CYFIP1: variants seen among roughly 807,000 people sequenced by gnomAD.
The protein encoded by CYFIP1 is cytoplasmic FMR1-interacting protein 1.
In CYFIP1, 58 loss-of-function variants were observed where a neutral mutation model predicts 163.5. That is an observed-to-expected ratio of 0.35 (90% CI 0.29 to 0.44). The LOEUF (loss-of-function observed/expected upper bound fraction) is 0.44, where lower values mean the gene tolerates loss of function less well. CYFIP1 is among the 20% of genes least tolerant of loss of function. The pLI is 1.00. For synonymous variants in CYFIP1, 663 were observed against 660.7 expected (o/e 1.00, Z -0.05); for missense variants, 1,338 against 1,653.8 (o/e 0.81, Z 3.31).
Position 22,910,811 on chromosome 15 carries a change from C to A in CYFIP1, c.2085G>T (p.Val695=), listed in dbSNP as rs750846125. Residue 695 remains valine, a splice_region_variant and synonymous_variant, in exon 19 of 31, where the codon GTG becomes GTT. Transcript: ENST00000617928. ...QFLYDEIEAE[V]NLCFDQFVYK... is the part of the protein sequence containing the mutation. ...AAACAAATTGGTCAAAACATAGATT[C>A]ACCTGAAGAAAAAGAAAGCACACGT... The A allele has an allele frequency of 6.2e-7, 1 of 1,612,918 alleles. No homozygotes were observed. The highest frequency in any genetic ancestry group is 8.5e-7 in the Non-Finnish European group (1 of 1,179,066).
rs1013326290 is a variant in CYFIP1 at position 22,917,363 on chromosome 15, A to G, written c.1674+425T>C. The G allele has an allele frequency of 1.8e-5, 21 of 1,178,964 alleles. No homozygotes were observed. The highest frequency in any genetic ancestry group is 2.2e-5 in the Non-Finnish European group (20 of 923,658). 73.0% of individuals were successfully genotyped at this position (1,178,964 alleles called of 1,614,324 possible). On this transcript the variant is annotated intron_variant, in intron 15 of 30. Coordinates refer to ENST00000617928, the MANE Select transcript of CYFIP1 (RefSeq NM_014608.6). The surrounding 1 kb of genome is among the most constrained non-coding windows in gnomAD (Gnocchi z 4.2). The stretch of plus-strand genomic sequence containing the variant: ...CGGGGAGGCCTGAACACACCAGGAG[A>G]GAGGACAGTGGGCAGCTTAGGACCA...
At chr15:22,908,518 CTTTTTTTTTTT>C (rs58565266) in intron 21 of CYFIP1, among the ~76,000 whole-genome samples, 16 of 75,486 alleles carry the variant, frequency 2.1e-4, no homozygotes, top group Admixed American at 3.5e-4. Context: ...GAAGATATTT[CTTTTTTTTTTT>C]TTTTTTTTTT....
chr15:22,958,212 A>G (rs2062548625), intron 1 of CYFIP1, among the ~76,000 whole-genome samples: 1 of 151,802 alleles, frequency 6.6e-6, no homozygotes, highest in Admixed American at 6.6e-5. Context: ...CAGCCTCTCA[A>G]GTAGCTGGGA....
In CYFIP1 at chr15:22,937,103, C is replaced by T; in HGVS notation, c.900+1G>A. ...CATTGATCTAAAAACATGTAACTCACCTTGAAGTACTTGTCGATTTTGGAT... is the reference window on the plus strand; with the variant it reads ...CATTGATCTAAAAACATGTAACTCATCTTGAAGTACTTGTCGATTTTGGAT... On this transcript the variant is annotated splice_donor_variant, in intron 9 of 30. Transcript: ENST00000617928. LOFTEE classifies it high-confidence loss of function. 6.3e-7 allele frequency: 1 copy of T among 1,586,490 alleles called. No homozygotes were observed. The highest frequency in any genetic ancestry group is 8.7e-7 in the Non-Finnish European group (1 of 1,154,916).
At position 22,881,618 on chromosome 15, in the gene CYFIP1, G is replaced by A. The variant is rs558064013; in HGVS notation, c.2911+228C>T. The stretch of plus-strand genomic sequence containing the variant: ...TGGCAATTCTTTCGTAGGGGTGCCC[G>A]AGAGCGTGGTGTTCAGGGGTCTCTT... On this transcript the variant is annotated intron_variant, in intron 25 of 30. Transcript: ENST00000617928. 2.0e-5 allele frequency among the ~76,000 whole-genome samples: 3 copies of A among 152,252 alleles called. No homozygotes were observed. In the South Asian group the frequency reaches 6.2e-4, roughly 32 times the overall value.
intron 1 of CYFIP1, among the ~76,000 whole-genome samples, chr15:22,978,352 C>CAAAAAAAAAAA (rs397976366): frequency 2.7e-4 from 14 of 52,774 alleles, no homozygotes; most frequent in Middle Eastern, 0.019. Context: ...GACTCTGTCA[C>CAAAAAAAAAAA]AAAAAAAAAA....
At chr15:22,919,223 A>G (rs1363387225) in intron 13 of CYFIP1, among the ~76,000 whole-genome samples, 3 of 152,202 alleles carry the variant, frequency 2.0e-5, no homozygotes, top group Non-Finnish European at 4.4e-5. Context: ...TTGTAGTCCA[A>G]ATCCCATATT....
At chr15:22,974,633 G>A (rs1239023661) in intron 1 of CYFIP1, among the ~76,000 whole-genome samples, 2 of 152,028 alleles carry the variant, frequency 1.3e-5, no homozygotes, top group Non-Finnish European at 2.9e-5. Flanking sequence ...GGGAAGCTGA[G>A]GCATGAGAAT....
intron 1 of CYFIP1, among the ~76,000 whole-genome samples, chr15:22,979,289 G>T (rs1040846726): frequency 6.6e-6 from 1 of 152,148 alleles, no homozygotes; most frequent in African/African-American, 2.4e-5. Flanking sequence ...GCCCCCGCGG[G>T]TCCCGGCCTG....
intron 26 of CYFIP1, among the ~76,000 whole-genome samples, chr15:22,878,224 T>C (rs2059640225): frequency 6.6e-6 from 1 of 152,052 alleles, no homozygotes; most frequent in Non-Finnish European, 1.5e-5. Context: ...CAGAGAGCCC[T>C]GGGGAGGGAA....
chr15:22,899,428 C>T (rs2060329779), intron 22 of CYFIP1, among the ~76,000 whole-genome samples: 1 of 152,172 alleles, frequency 6.6e-6, no homozygotes, highest in Non-Finnish European at 1.5e-5. Context: ...ATTCCCACGT[C>T]TCATGAGTGG....
rs748454440 is a variant in CYFIP1, at chr15:22,943,646, C to T, written c.388-292G>A. Among the ~76,000 whole-genome samples, 12 of 152,194 alleles carry T rather than the reference C, an allele frequency of 7.9e-5. 1 individual carries two copies. Among genetic ancestry groups the T allele is most frequent in the African/African-American group, 1.7e-4 (7 of 41,454 alleles). On this transcript the variant is annotated intron_variant, in intron 5 of 30. Coordinates refer to ENST00000617928, the MANE Select transcript of CYFIP1 (RefSeq NM_014608.6). ...TACTGAGCAAAATGCTCCAATAAAA[C>T]GCCTGTAAAATTCAGATGTTCTAAC... is the stretch of plus-strand genomic sequence containing the variant.
At chr15:22,893,574 T>C (rs1327407796) in intron 22 of CYFIP1, among the ~76,000 whole-genome samples, 2 of 152,240 alleles carry the variant, frequency 1.3e-5, no homozygotes, top group Non-Finnish European at 2.9e-5. Flanking sequence ...GTGGATTTGC[T>C]AATTATGTAA....
intron 11 of CYFIP1, 57 bp downstream of exon 11, chr15:22,932,166 G>C: frequency 7.9e-7 from 1 of 1,270,354 alleles, no homozygotes; most frequent in Non-Finnish European, 1.1e-6. Context: ...AGATTTGGGT[G>C]CAAACACACA....
chr15:22,926,307 A>G lies in CYFIP1; in HGVS notation c.1234-200T>C, dbSNP rs534874775. ...TGGCCCTGTAACCTCTCGTTTAAAA[A>G]ATCTACCCGGCAAAATGGCCTGGAT... is the stretch of plus-strand genomic sequence containing the variant. On this transcript the variant is annotated intron_variant, in intron 12 of 30. Coordinates refer to ENST00000617928, the MANE Select transcript of CYFIP1 (RefSeq NM_014608.6). Among the ~76,000 whole-genome samples, 9 of 152,256 alleles carry G rather than the reference A, an allele frequency of 5.9e-5. No individual in the cohort carries two copies. In the South Asian group the frequency reaches 1.9e-3, roughly 32 times the overall value.
Position 22,964,407 on chromosome 15 carries a change from A to ACC in CYFIP1, c.-7+15878_-7+15879dup, listed in dbSNP as rs1171232724. Among the ~76,000 whole-genome samples, 18 of 135,668 alleles carry ACC rather than the reference A, an allele frequency of 1.3e-4. 1 individual carries two copies. Among genetic ancestry groups the ACC allele is most frequent in the South Asian group, 1.0e-3 (4 of 3,950 alleles). 89.0% of individuals were successfully genotyped at this position (135,668 alleles called of 152,430 possible). On this transcript the variant is annotated intron_variant, in intron 1 of 30. Transcript: ENST00000617928. Reference sequence around the variant, plus strand: ...CACACACACACACACACACACACACACCCGGCAGCCCTGCCAGCAGACTCC... The same window carrying ACC: ...CACACACACACACACACACACACACACCCCCGGCAGCCCTGCCAGCAGACTCC...
rs373285643 is a variant in CYFIP1, at chr15:22,910,865, A to G, written c.2083-52T>C. ...AGTTTGATTCCCTAAAGCAAGATCA[A>G]ATAACAAGGTGAAAAACAAAATGTT... On this transcript the variant is annotated intron_variant, in intron 18 of 30. Coordinates refer to ENST00000617928, the MANE Select transcript of CYFIP1 (RefSeq NM_014608.6). The G allele has an allele frequency of 3.6e-5, 53 of 1,475,870 alleles. No homozygotes were observed. The East Asian group carries it at 3.6e-4, about 10-fold the overall frequency. The allele number at this position is 1,475,870 out of a possible 1,614,324, so 91.4% of individuals were successfully genotyped here.
At chr15:22,898,331 C>T (rs1174808758) in intron 22 of CYFIP1, among the ~76,000 whole-genome samples, 2 of 152,090 alleles carry the variant, frequency 1.3e-5, no homozygotes, top group Admixed American at 1.3e-4. Flanking sequence ...AATCTCAGCT[C>T]ACTGCAACCT....
intron 21 of CYFIP1, 161 bp from the exon 22 acceptor site, chr15:22,904,066 T>C: frequency 1.5e-6 from 1 of 659,094 alleles, no homozygotes; most frequent in Non-Finnish European, 2.6e-6. Flanking sequence ...AGCTTGCTTC[T>C]TGGCACCCCA....
Sources: gnomAD v4.1 joint callset for allele counts (sites outside exome capture counted in the v4.1 genomes callset) on GRCh38, gnomAD v4.1.1 for gene constraint, Gnocchi (gnomAD v3.1) non-coding constraint, MANE v1.5 for transcripts, NCBI Gene and HGNC (gene_info 2026-07-23, HGNC 2026-07-21) for gene names.